Variants in GRIK2 observed in about 807,000 individuals in gnomAD.
GRIK2 encodes the protein glutamate receptor ionotropic, kainate 2.
Under a neutral mutation model 100.3 loss-of-function variants are expected in GRIK2, and 32 were observed. The observed-to-expected ratio is 0.32, with a 90% CI of 0.24 to 0.43. The LOEUF is 0.43. GRIK2 is among the 20% of genes least tolerant of loss of function. The probability of loss-of-function intolerance (pLI) is 1.00; values close to 1 mark genes in which losing one functional copy is unlikely to be tolerated. For synonymous variants in GRIK2, 417 were observed against 389.4 expected (o/e 1.07, Z -0.83); for missense variants, 843 against 1,114.9 (o/e 0.76, Z 3.47).
chr6:101,940,948 T>G (rs1790919240), intron 14 of GRIK2, among the ~76,000 whole-genome samples: 1 of 152,156 alleles, frequency 6.6e-6, no homozygotes, highest in African/African-American at 2.4e-5. Context: ...ATATTTCATT[T>G]TAACCTTTGC....
In GRIK2 at chr6:102,068,358, T is replaced by C. The variant is rs199772867; in HGVS notation, c.2574T>C (p.Cys858=). The C allele has an allele frequency of 6.2e-7, 1 of 1,610,314 alleles. No individual in the cohort carries two copies. The highest frequency in any genetic ancestry group is 2.2e-5 in the East Asian group (1 of 44,826). Residue 858 remains cysteine (C), a synonymous_variant, in exon 17 of 17, where the codon TGT becomes TGC. Coordinates refer to ENST00000369134, the MANE Select transcript of GRIK2 (RefSeq NM_021956.5). ...GTGTTCTTCTGTAGAGGTCCTTCTG[T>C]AGTGCCATGGTAGAAGAATTGAGGA... The part of the protein sequence containing the change: ...KNAQLEKRSF[C]SAMVEELRMS...
intron 2 of GRIK2, among the ~76,000 whole-genome samples, chr6:101,534,973 T>G (rs1317211202): frequency 1.3e-5 from 2 of 151,788 alleles, no homozygotes; most frequent in East Asian, 3.9e-4. Context: ...CTGGGCAGAT[T>G]GCAGATTAGT....
At chr6:101,556,343 T>TA in intron 2 of GRIK2, among the ~76,000 whole-genome samples, 1 of 99,964 alleles carries the variant, frequency 1.0e-5, no homozygotes, top group Non-Finnish European at 2.0e-5. Context: ...TTTTTTTTTT[T>TA]TTTTTTTTTG....
At chr6:101,715,344 C>T (rs1036332597) in intron 7 of GRIK2, among the ~76,000 whole-genome samples, 4 of 151,624 alleles carry the variant, frequency 2.6e-5, no homozygotes, top group African/African-American at 9.7e-5. Context: ...GGACAGATCC[C>T]CCACCTGAAC....
chr6:101,685,261 A>G (rs923494208), intron 6 of GRIK2, among the ~76,000 whole-genome samples: 1 of 152,126 alleles, frequency 6.6e-6, no homozygotes, highest in Non-Finnish European at 1.5e-5. Context: ...AAAGATTCCT[A>G]TGTTTTTCAT....
intron 2 of GRIK2, among the ~76,000 whole-genome samples, chr6:101,487,886 A>G (rs1223020256): frequency 1.4e-5 from 2 of 146,086 alleles, no homozygotes; most frequent in African/African-American, 5.2e-5. Context: ...TCACACATTA[A>G]CCCTGAGTAA....
intron 14 of GRIK2, among the ~76,000 whole-genome samples, chr6:102,032,083 G>A (rs1193711655): frequency 6.6e-6 from 1 of 151,126 alleles, no homozygotes; most frequent in Non-Finnish European, 1.5e-5. Flanking sequence ...TTGCTAATTG[G>A]GATTATCCAA....
At chr6:101,817,052 A>G (rs1781677173) in intron 9 of GRIK2, among the ~76,000 whole-genome samples, 2 of 152,160 alleles carry the variant, frequency 1.3e-5, no homozygotes, top group Non-Finnish European at 2.9e-5. Flanking sequence ...GAAGCCTTTC[A>G]TTATTGACTC....
chr6:101,477,190 T>G (rs1293796393), intron 2 of GRIK2, among the ~76,000 whole-genome samples: 1 of 152,096 alleles, frequency 6.6e-6, no homozygotes, highest in African/African-American at 2.4e-5. Context: ...AAAAGATACC[T>G]CAAGACATGG....
chr6:101,651,192 A>C (rs943502540), intron 4 of GRIK2, among the ~76,000 whole-genome samples: 2 of 152,102 alleles, frequency 1.3e-5, no homozygotes, highest in Non-Finnish European at 2.9e-5. Context: ...TAGAAAAAAC[A>C]ATGCCTTAGC....
intron 2 of GRIK2, among the ~76,000 whole-genome samples, chr6:101,412,244 T>C (rs1285703726): frequency 6.6e-6 from 1 of 152,100 alleles, no homozygotes; most frequent in African/African-American, 2.4e-5. Context: ...TTTAGGTAGA[T>C]AAATTGTTAA....
chr6:101,886,551 T>C (rs1002744842), intron 11 of GRIK2, among the ~76,000 whole-genome samples: 34 of 151,954 alleles, frequency 2.2e-4, no homozygotes, highest in African/African-American at 8.0e-4. Context: ...ATATTACAAC[T>C]TTTTTGGAAT....
intron 7 of GRIK2, among the ~76,000 whole-genome samples, chr6:101,771,261 G>A (rs1213825907): frequency 2.0e-5 from 3 of 151,662 alleles, no homozygotes; most frequent in African/African-American, 7.3e-5. Flanking sequence ...TTTTTATTCA[G>A]TGCAACGGGT....
In GRIK2 at chr6:101,720,799, C is replaced by G. The variant is rs939928080; in HGVS notation, c.951+34446C>G. ...TAAAAAAATAAAATAAAATGCAAAA[C>G]TGTACTTCACCTTTATTTTATTGCT... On this transcript the variant is annotated intron_variant, in intron 7 of 16. Transcript: ENST00000369134. 5.3e-5 allele frequency among the ~76,000 whole-genome samples: 8 copies of G among 151,932 alleles called. No homozygotes were observed. The South Asian group carries it at 8.3e-4, about 16-fold the overall frequency.
rs774187168 is a variant in GRIK2 at position 101,753,282 on chromosome 6, C to CAAAA, written c.952-46349_952-46346dup. 2.0e-4 allele frequency among the ~76,000 whole-genome samples: 14 copies of CAAAA among 70,820 alleles called. 1 individual carries two copies. Among genetic ancestry groups the CAAAA allele is most frequent in the Non-Finnish European group, 3.5e-4 (10 of 28,922 alleles). 46.5% of individuals were successfully genotyped at this position (70,820 alleles called of 152,430 possible). ...TGGGCGGCAGAGCGAGACTCCGTCT[C>CAAAA]AAAAAAAAAAAAAAAAAAAAGAAAA... is the stretch of plus-strand genomic sequence containing the variant. On this transcript the variant is annotated intron_variant, in intron 7 of 16. Coordinates refer to ENST00000369134, the MANE Select transcript of GRIK2 (RefSeq NM_021956.5).
intron 7 of GRIK2, among the ~76,000 whole-genome samples, chr6:101,786,875 A>T (rs1779458773): frequency 1.3e-5 from 2 of 152,110 alleles, no homozygotes; most frequent in African/African-American, 2.4e-5. Flanking sequence ...TTTAACAGGT[A>T]GTTTGAGTAG....
At chr6:102,068,274 A>T (rs2114545372) in intron 16 of GRIK2, 73 bp from the exon 17 acceptor site, 1 of 1,116,138 alleles carries the variant, frequency 9.0e-7, no homozygotes, top group East Asian at 2.4e-5. Context: ...GTTGAGGATG[A>T]TTTTAATATT....
intron 2 of GRIK2, among the ~76,000 whole-genome samples, chr6:101,484,285 G>A (rs1772696973): frequency 6.6e-6 from 1 of 151,988 alleles, no homozygotes; most frequent in African/African-American, 2.4e-5. Context: ...TCCTTCCAAA[G>A]GGAAAACTAT....
intron 7 of GRIK2, among the ~76,000 whole-genome samples, chr6:101,736,531 C>T (rs1029766441): frequency 9.9e-5 from 15 of 152,206 alleles, no homozygotes; most frequent in Non-Finnish European, 1.9e-4. Context: ...AGGCTTGGGG[C>T]TTGCACCCTC....
Sources: gnomAD v4.1 joint callset for allele counts (sites outside exome capture counted in the v4.1 genomes callset) on GRCh38, gnomAD v4.1.1 for gene constraint, MANE v1.5 for transcripts, NCBI Gene and HGNC (gene_info 2026-07-23, HGNC 2026-07-21) for gene names.